The following ABCC6 variants were observed in gnomAD, a reference collection of about 807,000 sequenced individuals.
ABCC6 encodes the protein ATP-binding cassette sub-family C member 6.
Under a neutral mutation model 169.5 loss-of-function variants are expected in ABCC6, and 126 were observed. The ratio of observed to expected loss-of-function variants is 0.74; its 90% CI spans 0.64 to 0.86. The LOEUF (loss-of-function observed/expected upper bound fraction) is 0.86. ABCC6 is among the 40% of genes least tolerant of loss of function. The pLI, the probability that ABCC6 is intolerant of heterozygous loss-of-function variation, is 0.00. For synonymous variants in ABCC6, 752 were observed against 814.7 expected (o/e 0.92, Z 1.31); for missense variants, 1,733 against 1,927.2 (o/e 0.90, Z 1.89).
At chr16:16,181,466 A>G (rs932426442) in intron 17 of ABCC6, among the ~76,000 whole-genome samples, 6 of 152,102 alleles carry the variant, frequency 3.9e-5, no homozygotes, top group Admixed American at 3.9e-4. Flanking sequence ...TGAAGGTGAT[A>G]GAAGTGAGGG....
intron 15 of ABCC6, among the ~76,000 whole-genome samples, chr16:16,183,828 G>A (rs212072): frequency 0.15 from 22,176 of 152,008 alleles, 1,756 homozygotes; most frequent in Middle Eastern, 0.21. Flanking sequence ...AATATCAACC[G>A]TGCTGAGGTT....
intron 10 of ABCC6, among the ~76,000 whole-genome samples, chr16:16,193,539 C>G (rs370736352): frequency 1.4e-4 from 22 of 152,272 alleles, no homozygotes; most frequent in African/African-American, 5.3e-4. Flanking sequence ...CATAGTGAAA[C>G]ACAGTCTCTA....
intron 24 of ABCC6, 64 bp from the exon 25 acceptor site, chr16:16,161,628 G>A: frequency 6.2e-7 from 1 of 1,606,990 alleles, no homozygotes; most frequent in South Asian, 1.1e-5. Context: ...GCTTCTCTGG[G>A]CACAAGGACT....
chr16:16,155,251 ATC>A (rs113534366), intron 27 of ABCC6: 1 of 609,556 alleles, frequency 1.6e-6, no homozygotes, highest in African/African-American at 1.9e-5. Flanking sequence ...TTATCCTGAT[ATC>A]TCTCTCCCAT....
intron 14 of ABCC6, among the ~76,000 whole-genome samples, chr16:16,185,316 G>A (rs917272062): frequency 3.3e-5 from 5 of 152,216 alleles, no homozygotes; most frequent in Admixed American, 6.5e-5. Context: ...AGTTTTATTG[G>A]AACACGGCCA....
intron 29 of ABCC6, among the ~76,000 whole-genome samples, chr16:16,154,334 A>C (rs2046472697): frequency 6.6e-6 from 1 of 152,192 alleles, no homozygotes; most frequent in Admixed American, 6.5e-5. Flanking sequence ...CAATATTTTC[A>C]TAGCAAAATA....
intron 7 of ABCC6, among the ~76,000 whole-genome samples, chr16:16,206,912 A>G (rs1039531701): frequency 6.6e-6 from 1 of 152,216 alleles, no homozygotes; most frequent in Non-Finnish European, 1.5e-5. Context: ...CAAGGCAGGC[A>G]GATCCCCTGA....
intron 14 of ABCC6, 126 bp from the exon 15 acceptor site, chr16:16,185,160 C>T: frequency 1.1e-6 from 1 of 887,482 alleles, no homozygotes; most frequent in East Asian, 2.6e-5. Flanking sequence ...ATCTCTCCCA[C>T]TGAACAAATT....
At chr16:16,202,796 TTTG>T (rs1295569562) in intron 8 of ABCC6, among the ~76,000 whole-genome samples, 1 of 152,218 alleles carries the variant, frequency 6.6e-6, no homozygotes, top group African/African-American at 2.4e-5. Context: ...TCTGTGATGC[TTTG>T]TTATGTCAGC....
At chr16:16,179,693 C>A (rs1200947431) in intron 17 of ABCC6, among the ~76,000 whole-genome samples, 1 of 152,168 alleles carries the variant, frequency 6.6e-6, no homozygotes, top group African/African-American at 2.4e-5. Flanking sequence ...TGGGTTCAAG[C>A]AATTCTCCTG....
chr16:16,180,644 C>T (rs1393629954), intron 17 of ABCC6, among the ~76,000 whole-genome samples: 1 of 151,962 alleles, frequency 6.6e-6, no homozygotes, highest in Non-Finnish European at 1.5e-5. Context: ...AGGTACGCCA[C>T]CATGCCTGGC....
intron 22 of ABCC6, among the ~76,000 whole-genome samples, chr16:16,166,629 C>G (rs2046883709): frequency 6.6e-6 from 1 of 151,910 alleles, no homozygotes; most frequent in Admixed American, 6.6e-5. Flanking sequence ...CCTGTAATCA[C>G]AGCACTTTGG....
In ABCC6 at chr16:16,182,937, A is replaced by G. The variant is rs779384512; in HGVS notation, c.1944-7T>C. ...GGGCACCGTGAGGTTTATTCTGGAC[A>G]CGCAAGAGGGGAGACATGACCTTGG... On this transcript the variant is annotated splice_polypyrimidine_tract_variant and splice_region_variant and intron_variant, in intron 15 of 30. Transcript: ENST00000205557. 6 of 1,614,126 alleles carry G rather than the reference A, an allele frequency of 3.7e-6. No homozygotes were observed. Among genetic ancestry groups the G allele is most frequent in the Non-Finnish European group, 5.1e-6 (6 of 1,180,018 alleles).
At position 16,177,594 on chromosome 16, in the gene ABCC6, G is replaced by A. The variant is rs2047321493; in HGVS notation, c.2448C>T (p.Ile816=). 6.2e-6 allele frequency: 10 copies of A among 1,614,128 alleles called. No homozygotes were observed. The highest frequency in any genetic ancestry group is 1.3e-5 in the African/African-American group (1 of 74,940). ...TRILVTHALH[I]LPQADWIIVL... is the part of the protein sequence containing the mutation. The stretch of plus-strand genomic sequence containing the variant: ...CTATGATCCAATCAGCCTGGGGCAG[G>A]ATGTGGAGTGCGTGCGTCACGAGAA... Residue 816 remains isoleucine (I), a synonymous_variant, in exon 19 of 31, where the codon ATC becomes ATT. Coordinates refer to ENST00000205557, the MANE Select transcript of ABCC6 (RefSeq NM_001171.6).
intron 17 of ABCC6, 140 bp from the exon 18 acceptor site, chr16:16,179,105 A>G (rs2152252997): frequency 1.0e-6 from 1 of 970,236 alleles, no homozygotes; most frequent in East Asian, 2.6e-5. Flanking sequence ...GGACAGGCCC[A>G]GCTTCCAAGG....
chr16:16,187,023 C>G, intron 14 of ABCC6, 101 bp downstream of exon 14: 2 of 1,029,958 alleles, frequency 1.9e-6, no homozygotes. Flanking sequence ...CCCGCAGCCC[C>G]CATCTCCCCC....
intron 29 of ABCC6, among the ~76,000 whole-genome samples, chr16:16,153,001 A>T (rs994550228): frequency 5.3e-5 from 8 of 151,790 alleles, no homozygotes; most frequent in African/African-American, 1.9e-4. Flanking sequence ...GGTTCAAGCG[A>T]TTCTCCTGTC....
At chr16:16,187,009 A>G (rs1475391530) in intron 14 of ABCC6, 115 bp downstream of exon 14, 1 of 883,454 alleles carries the variant, frequency 1.1e-6, no homozygotes, top group Non-Finnish European at 1.8e-6. Context: ...CGTGTCATCC[A>G]TTGCCCGCAG....
Position 16,177,576 on chromosome 16 carries a change from C to T in ABCC6, c.2466G>A (p.Trp822Ter). Residue 822 changes from tryptophan (W) to a stop codon, truncating the protein, a stop_gained, in exon 19 of 31, where the codon TGG becomes TGA. Coordinates refer to ENST00000205557, the MANE Select transcript of ABCC6 (RefSeq NM_001171.6). LOFTEE classifies it high-confidence loss of function. The stretch of plus-strand genomic sequence containing the variant: ...TGGCCCCATTTGCCAGCACTATGAT[C>T]CAATCAGCCTGGGGCAGGATGTGGA... ...HALHILPQAD[W>*]IIVLANGAIA... is the part of the protein sequence containing the mutation. 3 of 1,614,242 alleles carry T rather than the reference C, an allele frequency of 1.9e-6. No homozygotes were observed. The highest frequency in any genetic ancestry group is 2.5e-6 in the Non-Finnish European group (3 of 1,180,044).
Sources: gnomAD v4.1 joint callset for allele counts (sites outside exome capture counted in the v4.1 genomes callset) on GRCh38, gnomAD v4.1.1 for gene constraint, MANE v1.5 for transcripts, NCBI Gene and HGNC (gene_info 2026-07-23, HGNC 2026-07-21) for gene names.